Variants in PKN3 observed in about 807,000 individuals in gnomAD.
The protein encoded by PKN3 is protein kinase N3.
PKN3 carries 91 observed loss-of-function variants against 113.1 expected under a neutral mutation model. The observed-to-expected ratio is 0.80, with a 90% CI of 0.68 to 0.96. PKN3 has a LOEUF of 0.96. Among genes scored for constraint, PKN3 ranks in the 40% least tolerant of loss-of-function variants. The probability of loss-of-function intolerance (pLI) is 0.00; values close to 1 mark genes in which losing one functional copy is unlikely to be tolerated. For synonymous variants in PKN3, 467 were observed against 499.0 expected (o/e 0.94, Z 0.85); for missense variants, 1,052 against 1,202.2 (o/e 0.88, Z 1.85).
Position 128,716,917 on chromosome 9 carries a change from A to C in PKN3, c.1979A>C (p.Gln660Pro), listed in dbSNP as rs776345506. Residue 660 changes from glutamine to proline, a missense_variant, in exon 16 of 22, where the codon CAG becomes CCG. Around this residue, in one of 2 missense-constraint regions of PKN3, gnomAD observed 333 missense variants for 442.8 expected, o/e 0.75. Transcript: ENST00000291906. ...QIHEDVFPEP[Q>P]ARFYVACVVL... ...CACGAGGATGTCTTCCCCGAGCCCCAGGCCCGGTGGGTTCCATCCCTCCTG... is the reference window on the plus strand; with the variant it reads ...CACGAGGATGTCTTCCCCGAGCCCCCGGCCCGGTGGGTTCCATCCCTCCTG... 1.9e-6 allele frequency: 3 copies of C among 1,613,308 alleles called. No individual in the cohort carries two copies. Among genetic ancestry groups the C allele is most frequent in the African/African-American group, 1.3e-5 (1 of 74,772 alleles).
In PKN3 at chr9:128,716,831, C is replaced by T. The variant is rs143961567; in HGVS notation, c.1893C>T (p.Thr631=). Residue 631 remains threonine (T), a synonymous_variant, in exon 16 of 22, where the codon ACC becomes ACT. Transcript: ENST00000291906. Reference sequence around the variant, plus strand: ...TCTCCCTCCTTGCCTGCTTCCAGACCTCCAGCCATGCCTGCTTTGTGACTG... The same window carrying T: ...TCTCCCTCCTTGCCTGCTTCCAGACTTCCAGCCATGCCTGCTTTGTGACTG... ...FLLSLLACFQ[T]SSHACFVTEF... The T allele has an allele frequency of 1.9e-6, 3 of 1,613,966 alleles. No homozygotes were observed. The highest frequency in any genetic ancestry group is 2.7e-5 in the African/African-American group (2 of 74,910).
In PKN3 at chr9:128,705,853, C is replaced by A; in HGVS notation, c.385C>A (p.His129Asn). 6.2e-7 allele frequency: 1 copy of A among 1,601,702 alleles called. No homozygotes were observed. Among genetic ancestry groups the A allele is most frequent in the Non-Finnish European group, 8.5e-7 (1 of 1,172,144 alleles). ...GAAGCAGGGGGCTGAGAACATGACC[C>A]ACACGTGCGCCAGTGGCACCCCCAA... is the stretch of plus-strand genomic sequence containing the variant. ...KVKQGAENMT[H>N]TCASGTPKER... is the part of the protein sequence containing the mutation. Residue 129 changes from histidine to asparagine, a missense_variant, in exon 3 of 22, where the codon CAC becomes AAC. His to Asn is a moderately conservative substitution (Grantham distance 68, BLOSUM62 1). Coordinates refer to ENST00000291906, the MANE Select transcript of PKN3 (RefSeq NM_013355.5).
chr9:128,718,293 G>A, intron 16 of PKN3, 32 bp from the exon 17 acceptor site: 1 of 1,597,472 alleles, frequency 6.3e-7, no homozygotes. Context: ...TGTGTGTCTT[G>A]GGCCTGAGTT....
Position 128,715,352 on chromosome 9 carries a change from CCT to C in PKN3, c.1717-10_1717-9del, listed in dbSNP as rs755930837. Reference sequence around the variant, plus strand: ...CTGGTCTGGCCCACCTGGAGCACAACCTCTCTCTGGCCCCAGGTCCTCCTGGT... The same window carrying C: ...CTGGTCTGGCCCACCTGGAGCACAACCTCTCTGGCCCCAGGTCCTCCTGGT... On this transcript the variant is annotated splice_polypyrimidine_tract_variant and intron_variant, in intron 14 of 21. Coordinates refer to ENST00000291906, the MANE Select transcript of PKN3 (RefSeq NM_013355.5). The surrounding 1 kb of genome is among the most constrained non-coding windows in gnomAD (Gnocchi z 4.1). The C allele has an allele frequency of 6.8e-6, 11 of 1,612,012 alleles. 1 individual carries two copies. The South Asian group carries it at 1.2e-4, about 18-fold the overall frequency.
Position 128,702,691 on chromosome 9 carries a change from C to A in PKN3, c.-225C>A. ...CGCGGAATTTTGGATCCGAGGGAGG[C>A]GCTGGGGCGCGGGACCTCGGGCGTG... On this transcript the variant is annotated 5_prime_UTR_variant, in exon 1 of 22. Coordinates refer to ENST00000291906, the MANE Select transcript of PKN3 (RefSeq NM_013355.5). 2 of 465,508 alleles carry A rather than the reference C, an allele frequency of 4.3e-6. No homozygotes were observed. The highest frequency in any genetic ancestry group is 4.5e-5 in the Admixed American group (1 of 22,412). 28.8% of individuals were successfully genotyped at this position (465,508 alleles called of 1,614,324 possible). A position where few individuals can be genotyped will look rare whatever the true frequency, so the allele number is the denominator to read the frequency against.
Position 128,713,177 on chromosome 9 carries a change from C to T in PKN3, c.961C>T (p.Arg321Cys), listed in dbSNP as rs534189894. 1.1e-5 allele frequency: 18 copies of T among 1,607,654 alleles called. No individual in the cohort carries two copies. The South Asian group carries it at 1.2e-4, about 11-fold the overall frequency. Residue 321 changes from arginine to cysteine, a missense_variant, in exon 7 of 22, where the codon CGT becomes TGT. Transcript: ENST00000291906. ...GWLRTKAKHQ[R>C]GRGELASEVL... ...GCTTCGGACCAAGGCCAAGCACCAG[C>T]GTGGCCGAGGCGAGCTTGCCAGTGA...
At position 128,702,900 on chromosome 9, in the gene PKN3, C is replaced by T. The variant is rs1244965942; in HGVS notation, c.-16C>T. 6 of 1,483,222 alleles carry T rather than the reference C, an allele frequency of 4.0e-6. No homozygotes were observed. Among genetic ancestry groups the T allele is most frequent in the Non-Finnish European group, 5.4e-6 (6 of 1,118,310 alleles). The allele number at this position is 1,483,222 out of a possible 1,614,324, so 91.9% of individuals were successfully genotyped here. A position where few individuals can be genotyped will look rare whatever the true frequency, so the allele number is the denominator to read the frequency against. On this transcript the variant is annotated 5_prime_UTR_variant, in exon 1 of 22. Coordinates refer to ENST00000291906, the MANE Select transcript of PKN3 (RefSeq NM_013355.5). ...GAGTGGCTGAGAGAAGGGCCCCAAG[C>T]GGCCGGAGCGGCGCCATGGAGGAGG... is the stretch of plus-strand genomic sequence containing the variant.
chr9:128,707,453 G>C, intron 6 of PKN3, 48 bp downstream of exon 6: 1 of 1,490,600 alleles, frequency 6.7e-7, no homozygotes, highest in South Asian at 1.2e-5. Flanking sequence ...TTTTTGGGGG[G>C]AGGCCGGAAG....
At position 128,714,043 on chromosome 9, in the gene PKN3, C is replaced by G. The variant is rs750999223; in HGVS notation, c.1237-3C>G. On this transcript the variant is annotated splice_region_variant and splice_polypyrimidine_tract_variant and intron_variant, in intron 9 of 21. Coordinates refer to ENST00000291906, the MANE Select transcript of PKN3 (RefSeq NM_013355.5). ...GTCCACAACCCTGCCCCTACCCCTG[C>G]AGGTGACCTTCTGCGATCCTGTCAT... 8.7e-6 allele frequency: 14 copies of G among 1,613,936 alleles called. No homozygotes were observed. The highest frequency in any genetic ancestry group is 1.2e-5 in the Non-Finnish European group (14 of 1,179,982).
At chr9:128,703,606 AGTG>A in intron 1 of PKN3, 1 of 985,012 alleles carries the variant, frequency 1.0e-6, no homozygotes, top group African/African-American at 1.7e-5. Flanking sequence ...TTCCGGAGCG[AGTG>A]GTTGGGAGGG....
chr9:128,717,036 G>C (rs1475381708), intron 16 of PKN3, 113 bp downstream of exon 16: 1 of 792,044 alleles, frequency 1.3e-6, no homozygotes, highest in Non-Finnish European at 2.0e-6. Flanking sequence ...GCAGGAGTCA[G>C]AGGCCTTGGT....
At chr9:128,713,679 C>T in intron 9 of PKN3, 37 bp downstream of exon 9, 1 of 1,607,370 alleles carries the variant, frequency 6.2e-7, no homozygotes, top group Non-Finnish European at 8.5e-7. Context: ...TGGTGGGACC[C>T]TGGGGCGTCA....
chr9:128,710,337 G>A (rs1309658487), intron 6 of PKN3, among the ~76,000 whole-genome samples: 8 of 151,892 alleles, frequency 5.3e-5, no homozygotes, highest in East Asian at 3.9e-4. Context: ...GTATCCCACC[G>A]AGATACAGTG....
In PKN3 at chr9:128,715,553, A is replaced by C. The variant is rs926989863; in HGVS notation, c.1808+93A>C. 3 of 902,106 alleles carry C rather than the reference A, an allele frequency of 3.3e-6. No individual in the cohort carries two copies. Among genetic ancestry groups the C allele is most frequent in the South Asian group, 1.5e-5 (1 of 68,728 alleles). The allele number at this position is 902,106 out of a possible 1,614,324, so 55.9% of individuals were successfully genotyped here. Reference sequence around the variant, plus strand: ...AGGTTCCTGGGGCTTTGGAGAGGTGACCCCGTGGGGCCAGCCAGCCTGCAT... The same window carrying C: ...AGGTTCCTGGGGCTTTGGAGAGGTGCCCCCGTGGGGCCAGCCAGCCTGCAT... On this transcript the variant is annotated intron_variant, in intron 15 of 21. Coordinates refer to ENST00000291906, the MANE Select transcript of PKN3 (RefSeq NM_013355.5). The surrounding 1 kb of genome is among the most constrained non-coding windows in gnomAD (Gnocchi z 4.1).
chr9:128,719,980 GCTTT>G lies in PKN3; in HGVS notation c.2342_2345del (p.Phe781CysfsTer78). The G allele has an allele frequency of 6.2e-7, 1 of 1,614,118 alleles. No individual in the cohort carries two copies. The highest frequency in any genetic ancestry group is 8.5e-7 in the Non-Finnish European group (1 of 1,179,990). ...GTCAACATGGACGCCCCCTACCCCG[GCTTT>G]CTGTCGGTGCAAGGGCTTGAGTTCA... On this transcript the variant is annotated frameshift_variant, in exon 20 of 22. Transcript: ENST00000291906. LOFTEE classifies it high-confidence loss of function.
chr9:128,707,539 C>T, intron 6 of PKN3, 134 bp downstream of exon 6: 1 of 699,154 alleles, frequency 1.4e-6, no homozygotes, highest in South Asian at 1.9e-5. Context: ...CCTTGGCAAA[C>T]TGACATTCCT....
Position 128,713,039 on chromosome 9 carries a change from A to G in PKN3, c.836-13A>G. The stretch of plus-strand genomic sequence containing the variant: ...TGGCATCTGACAACGCCCCCCGCTC[A>G]CTCTCCCCACAGGGACACTGCAGGT... On this transcript the variant is annotated splice_polypyrimidine_tract_variant and intron_variant, in intron 6 of 21. Coordinates refer to ENST00000291906, the MANE Select transcript of PKN3 (RefSeq NM_013355.5). The G allele has an allele frequency of 1.3e-6, 2 of 1,582,228 alleles. No homozygotes were observed. Among genetic ancestry groups the G allele is most frequent in the Non-Finnish European group, 1.7e-6 (2 of 1,160,798 alleles).
chr9:128,710,351 G>C (rs1048753315), intron 6 of PKN3, among the ~76,000 whole-genome samples: 10 of 152,050 alleles, frequency 6.6e-5, no homozygotes, highest in Admixed American at 1.3e-4. Flanking sequence ...TACAGTGAGA[G>C]CTGGAAAGGC....
intron 5 of PKN3, 46 bp from the exon 6 acceptor site, chr9:128,707,176 C>T: frequency 1.3e-6 from 2 of 1,580,666 alleles, no homozygotes; most frequent in Non-Finnish European, 1.7e-6. Context: ...CTGCTGCCCC[C>T]TGCCATATAC....
Sources: gnomAD v4.1 joint callset for allele counts (sites outside exome capture counted in the v4.1 genomes callset) on GRCh38, gnomAD v4.1.1 for gene constraint, gnomAD v4.1.1 regional missense constraint, Gnocchi (gnomAD v3.1) non-coding constraint, MANE v1.5 for transcripts, NCBI Gene and HGNC (gene_info 2026-07-23, HGNC 2026-07-21) for gene names.